Variants in ARHGAP15 observed in about 807,000 individuals in gnomAD.
ARHGAP15 encodes Rho GTPase activating protein 15.
Under a neutral mutation model 63.7 loss-of-function variants are expected in ARHGAP15, and 51 were observed. The ratio of observed to expected loss-of-function variants is 0.80; its 90% confidence interval spans 0.64 to 1.01. ARHGAP15 has a LOEUF of 1.01. Among genes scored for constraint, ARHGAP15 ranks in the 50% least tolerant of loss-of-function variants. The pLI is 0.00. For missense variants in ARHGAP15, 560 were observed against 564.6 expected, an observed-to-expected ratio of 0.99 and a Z score of 0.08; for synonymous variants, 191 against 193.8, an observed-to-expected ratio of 0.99 and a Z score of 0.12.
At chr2:143,359,262 C>A (rs1247261058) in intron 6 of ARHGAP15, among the ~76,000 whole-genome samples, 2 of 152,036 alleles carry the variant, frequency 1.3e-5, no homozygotes, top group Non-Finnish European at 2.9e-5. Flanking sequence ...AGTTCATTGA[C>A]TTTGAGGGAA....
At chr2:143,426,962 C>T (rs772696920) in intron 6 of ARHGAP15, among the ~76,000 whole-genome samples, 11 of 152,098 alleles carry the variant, frequency 7.2e-5, no homozygotes, top group Admixed American at 3.3e-4. Flanking sequence ...TGTCTTGAGC[C>T]GGAAGGCATT....
Position 143,517,503 on chromosome 2 carries a change from T to G in ARHGAP15, c.827-1763T>G, listed in dbSNP as rs570890497. On this transcript the variant is annotated intron_variant, in intron 9 of 13. Coordinates refer to ENST00000295095, the MANE Select transcript of ARHGAP15 (RefSeq NM_018460.4). ...ACCTCCACTGATGGTTAAGATGATGTCTTGCAGTCCCTCATTCTACAAATG... is the reference window on the plus strand; with the variant it reads ...ACCTCCACTGATGGTTAAGATGATGGCTTGCAGTCCCTCATTCTACAAATG... Among the ~76,000 whole-genome samples, 5 of 152,354 alleles carry G rather than the reference T, an allele frequency of 3.3e-5. No individual in the cohort carries two copies. In the East Asian group the frequency reaches 9.6e-4, roughly 29 times the overall value.
intron 6 of ARHGAP15, among the ~76,000 whole-genome samples, chr2:143,261,839 C>A (rs928193125): frequency 1.3e-5 from 2 of 152,066 alleles, no homozygotes; most frequent in African/African-American, 2.4e-5. Context: ...GAAGAAAAGC[C>A]AATGCAGAAC....
intron 12 of ARHGAP15, among the ~76,000 whole-genome samples, chr2:143,671,741 T>A (rs1682537538): frequency 6.6e-6 from 1 of 152,222 alleles, no homozygotes; most frequent in Admixed American, 6.5e-5. Context: ...CATTTATCCC[T>A]ATCTATCTCT....
At position 143,243,562 on chromosome 2, in the gene ARHGAP15, T is replaced by C. The variant is rs776536217; in HGVS notation, c.385-6949T>C. Among the ~76,000 whole-genome samples the C allele has an allele frequency of 3.2e-4, 49 of 152,194 alleles. 1 individual carries two copies. Among genetic ancestry groups the C allele is most frequent in the South Asian group, 4.1e-4 (2 of 4,832 alleles). On this transcript the variant is annotated intron_variant, in intron 5 of 13. Coordinates refer to ENST00000295095, the MANE Select transcript of ARHGAP15 (RefSeq NM_018460.4). Reference sequence around the variant, plus strand: ...TGTATTTTTATAATGATGTAGAATATGATCCATTGGCATCATGCTGTTCAT... The same window carrying C: ...TGTATTTTTATAATGATGTAGAATACGATCCATTGGCATCATGCTGTTCAT...
intron 5 of ARHGAP15, among the ~76,000 whole-genome samples, chr2:143,244,606 T>A (rs1693978266): frequency 6.6e-6 from 1 of 152,086 alleles, no homozygotes; most frequent in African/African-American, 2.4e-5. Flanking sequence ...GTGTGAAGAA[T>A]GGGAGAACGC....
intron 8 of ARHGAP15, among the ~76,000 whole-genome samples, chr2:143,486,000 T>C (rs916632344): frequency 1.6e-4 from 25 of 152,172 alleles, no homozygotes; most frequent in African/African-American, 5.8e-4. Context: ...TTCACCTTAA[T>C]TCCCCATTTT....
At chr2:143,241,143 A>G (rs1184998811) in intron 5 of ARHGAP15, among the ~76,000 whole-genome samples, 1 of 152,140 alleles carries the variant, frequency 6.6e-6, no homozygotes, top group Non-Finnish European at 1.5e-5. Context: ...TAATTTATAG[A>G]GTATATGTAT....
In ARHGAP15 at chr2:143,425,710, A is replaced by T. The variant is rs16822524; in HGVS notation, c.475-9891A>T. On this transcript the variant is annotated intron_variant, in intron 6 of 13. Coordinates refer to ENST00000295095, the MANE Select transcript of ARHGAP15 (RefSeq NM_018460.4). The stretch of plus-strand genomic sequence containing the variant: ...TTATTTAAGCCTCTCATTCATGGAA[A>T]AAGAAGCATTACTACTCATTCATGA... Among the ~76,000 whole-genome samples, 5 of 151,894 alleles carry T rather than the reference A, an allele frequency of 3.3e-5. 1 individual carries two copies. The highest frequency in any genetic ancestry group is 3.3e-4 in the Admixed American group (5 of 15,230).
chr2:143,667,379 AT>A (rs1682263549), intron 12 of ARHGAP15, among the ~76,000 whole-genome samples: 1 of 131,142 alleles, frequency 7.6e-6, no homozygotes, highest in African/African-American at 2.9e-5. Flanking sequence ...ATGAGATCAC[AT>A]GGACACAGGA....
At chr2:143,435,036 G>A (rs1689548872) in intron 6 of ARHGAP15, among the ~76,000 whole-genome samples, 1 of 152,072 alleles carries the variant, frequency 6.6e-6, no homozygotes, top group African/African-American at 2.4e-5. Flanking sequence ...CTTTTGTGGG[G>A]AAATTGGTTT....
chr2:143,423,122 A>G (rs1386139862), intron 6 of ARHGAP15, among the ~76,000 whole-genome samples: 4 of 152,114 alleles, frequency 2.6e-5, no homozygotes, highest in Non-Finnish European at 5.9e-5. Context: ...GGGCCCATGG[A>G]AGAGGTATTC....
chr2:143,427,630 G>T (rs1689190906), intron 6 of ARHGAP15, among the ~76,000 whole-genome samples: 1 of 151,832 alleles, frequency 6.6e-6, no homozygotes, highest in South Asian at 2.1e-4. Flanking sequence ...CTATTTTAGA[G>T]ATATGCATTG....
At chr2:143,423,295 A>G (rs760765737) in intron 6 of ARHGAP15, among the ~76,000 whole-genome samples, 6 of 152,168 alleles carry the variant, frequency 3.9e-5, no homozygotes, top group Non-Finnish European at 8.8e-5. Context: ...ACAGGTTCTC[A>G]GTGACTAATC....
At chr2:143,338,665 T>A (rs17229439) in intron 6 of ARHGAP15, among the ~76,000 whole-genome samples, 2 of 152,002 alleles carry the variant, frequency 1.3e-5, no homozygotes, top group African/African-American at 2.4e-5. Context: ...TAGCTTTTTC[T>A]TGCAAACTCT....
intron 8 of ARHGAP15, among the ~76,000 whole-genome samples, chr2:143,473,256 T>C (rs1299662400): frequency 6.6e-6 from 1 of 152,226 alleles, no homozygotes; most frequent in East Asian, 1.9e-4. Context: ...AAGCTCCATG[T>C]TTCTGTCCCC....
chr2:143,683,723 C>T (rs1683204865), intron 12 of ARHGAP15, among the ~76,000 whole-genome samples: 1 of 152,132 alleles, frequency 6.6e-6, no homozygotes, highest in South Asian at 2.1e-4. Context: ...AGTAAGTTGT[C>T]AGCTTAAATC....
At chr2:143,413,927 T>TTGTGTGTG (rs1553476588) in intron 6 of ARHGAP15, among the ~76,000 whole-genome samples, 11,201 of 127,610 alleles carry the variant, frequency 0.088, 614 homozygotes, top group Middle Eastern at 0.1. Context: ...AGGTAGGTAG[T>TTGTGTGTG]TGTGTGTGTG....
intron 8 of ARHGAP15, among the ~76,000 whole-genome samples, chr2:143,439,071 A>G (rs374648953): frequency 6.6e-6 from 1 of 152,154 alleles, no homozygotes; most frequent in Non-Finnish European, 1.5e-5. Context: ...TTTAGAATCT[A>G]TTTTTAATTG....
Sources: gnomAD v4.1 joint callset for allele counts (sites outside exome capture counted in the v4.1 genomes callset) on GRCh38, gnomAD v4.1.1 for gene constraint, MANE v1.5 for transcripts, NCBI Gene and HGNC (gene_info 2026-07-23, HGNC 2026-07-21) for gene names.